The following ESRP1 variants were observed in gnomAD, a reference collection of about 807,000 sequenced individuals.
The protein encoded by ESRP1 is RNA-binding motif protein 35A.
Under a neutral mutation model 81.7 loss-of-function variants are expected in ESRP1, and 33 were observed. That is an observed-to-expected ratio of 0.40 (90% CI 0.31 to 0.54). The LOEUF (loss-of-function observed/expected upper bound fraction) is 0.54, where lower values mean the gene tolerates loss of function less well. ESRP1 is among the 20% of genes least tolerant of loss of function. The pLI, the probability that ESRP1 is intolerant of heterozygous loss-of-function variation, is 0.41. For missense variants in ESRP1, 672 were observed against 833.1 expected (o/e 0.81, Z 2.38); for synonymous variants, 320 against 303.3 (o/e 1.06, Z -0.57).
intron 15 of ESRP1, 139 bp downstream of exon 15, chr8:94,697,100 A>G: frequency 1.6e-6 from 1 of 610,064 alleles, no homozygotes; most frequent in Non-Finnish European, 2.8e-6. Flanking sequence ...GAAGGAATGG[A>G]GACTAGAATT....
intron 15 of ESRP1, among the ~76,000 whole-genome samples, chr8:94,702,590 G>A (rs116540414): frequency 0.011 from 1,681 of 152,184 alleles, 29 homozygotes; most frequent in African/African-American, 0.038. Flanking sequence ...AAACACATAG[G>A]AAGTACTTAT....
chr8:94,674,285 T>C, intron 11 of ESRP1, 23 bp from the exon 12 acceptor site: 2 of 1,601,518 alleles, frequency 1.2e-6, no homozygotes, highest in Non-Finnish European at 1.7e-6. Context: ...CCTTTTGTTT[T>C]TATTCTTCCC....
At chr8:94,675,730 A>G (rs1819556610) in intron 12 of ESRP1, among the ~76,000 whole-genome samples, 1 of 152,210 alleles carries the variant, frequency 6.6e-6, no homozygotes, top group Non-Finnish European at 1.5e-5. Context: ...CTGCTTTTGG[A>G]ATATCCTTTC....
intron 15 of ESRP1, among the ~76,000 whole-genome samples, chr8:94,704,632 T>C (rs1809982896): frequency 2.6e-5 from 4 of 151,874 alleles, no homozygotes. Flanking sequence ...GATATAGTGG[T>C]GTGCCTGTAG....
intron 4 of ESRP1, among the ~76,000 whole-genome samples, chr8:94,654,377 T>C (rs1380125205): frequency 6.6e-6 from 1 of 152,218 alleles, no homozygotes; most frequent in Non-Finnish European, 1.5e-5. Context: ...TTAATCCTTT[T>C]GTTTTAGAAA....
rs34541416 is a variant in ESRP1, at chr8:94,704,175, C to CTTTTT, written c.*36-1738_*36-1734dup. On this transcript the variant is annotated intron_variant, in intron 15 of 15. Transcript: ENST00000433389. ...AATTAATCTTCATGTGCTTCTGAGA[C>CTTTTT]TTTTTTTTTTTTTTTTGCTAGCAGT... Among the ~76,000 whole-genome samples the CTTTTT allele has an allele frequency of 9.1e-4, 118 of 128,986 alleles. 2 individuals are homozygous for CTTTTT. The highest frequency in any genetic ancestry group is 4.7e-3 in the East Asian group (21 of 4,432). 84.6% of individuals were successfully genotyped at this position (128,986 alleles called of 152,430 possible).
Position 94,642,596 on chromosome 8 carries a change from A to G in ESRP1, c.261+512A>G, listed in dbSNP as rs546849140. 7.4e-4 allele frequency among the ~76,000 whole-genome samples: 112 copies of G among 152,270 alleles called. 1 individual carries two copies. The highest frequency in any genetic ancestry group is 2.5e-3 in the African/African-American group (104 of 41,560). On this transcript the variant is annotated intron_variant, in intron 2 of 15. Coordinates refer to ENST00000433389, the MANE Select transcript of ESRP1 (RefSeq NM_017697.4). ...CTCCCAACGAAAGGCTCGGTCCGTC[A>G]TTATTTCTTTAGTGGCCTTGGTCCC...
intron 3 of ESRP1, among the ~76,000 whole-genome samples, chr8:94,644,234 TAAC>T (rs910153362): frequency 1.3e-5 from 2 of 152,186 alleles, no homozygotes; most frequent in Non-Finnish European, 2.9e-5. Context: ...CACTGTCTCT[TAAC>T]AACTTAAATT....
intron 4 of ESRP1, among the ~76,000 whole-genome samples, chr8:94,654,713 G>A (rs1055990783): frequency 4.6e-5 from 7 of 152,090 alleles, no homozygotes; most frequent in African/African-American, 1.7e-4. Context: ...CTGGAGCCCA[G>A]AAGTTCAGGA....
chr8:94,646,547 A>ATG (rs756589566), intron 4 of ESRP1: 17 of 278,804 alleles, frequency 6.1e-5, no homozygotes, highest in Admixed American at 1.0e-4. Flanking sequence ...CAGCTGTGTA[A>ATG]TGTGTGTGTG....
intron 9 of ESRP1, among the ~76,000 whole-genome samples, 160 bp downstream of exon 9, chr8:94,665,356 A>G (rs1323392489): frequency 1.3e-5 from 2 of 152,234 alleles, no homozygotes; most frequent in Non-Finnish European, 2.9e-5. Flanking sequence ...GCTTCCGATA[A>G]TAACAGTGAG....
chr8:94,658,736 C>T (rs1818563806), intron 4 of ESRP1, among the ~76,000 whole-genome samples: 2 of 152,122 alleles, frequency 1.3e-5, no homozygotes, highest in South Asian at 4.2e-4. Flanking sequence ...TTGTATCTGG[C>T]CATCTTTTTG....
chr8:94,672,379 A>G (rs749054433), intron 11 of ESRP1, among the ~76,000 whole-genome samples: 1 of 152,190 alleles, frequency 6.6e-6, no homozygotes, highest in Non-Finnish European at 1.5e-5. Context: ...GAATTCTTCC[A>G]TATGCAAATG....
At chr8:94,673,876 C>T (rs1461473698) in intron 11 of ESRP1, among the ~76,000 whole-genome samples, 1 of 152,146 alleles carries the variant, frequency 6.6e-6, no homozygotes, top group African/African-American at 2.4e-5. Context: ...AAAAAGAATA[C>T]CGGTTCAGTT....
intron 9 of ESRP1, 92 bp downstream of exon 9, chr8:94,665,288 G>A (rs1818963585): frequency 8.0e-7 from 1 of 1,253,350 alleles, no homozygotes; most frequent in Non-Finnish European, 1.1e-6. Flanking sequence ...ATAGGGTCAT[G>A]AATGGTTTTT....
chr8:94,673,493 A>G (rs1297397096), intron 11 of ESRP1, among the ~76,000 whole-genome samples: 2 of 152,194 alleles, frequency 1.3e-5, no homozygotes, highest in Non-Finnish European at 2.9e-5. Context: ...GAAAACCATA[A>G]AATAAGAAAG....
In ESRP1 at chr8:94,652,275, A is replaced by T. The variant is rs565116580; in HGVS notation, c.490+5993A>T. Among the ~76,000 whole-genome samples, 3 of 152,230 alleles carry T rather than the reference A, an allele frequency of 2.0e-5. No individual in the cohort carries two copies. In the East Asian group the frequency reaches 5.8e-4, roughly 29 times the overall value. On this transcript the variant is annotated intron_variant, in intron 4 of 15. Transcript: ENST00000433389. ...AGTGCTGGGATTACAGGCGTGAGCC[A>T]CTGCGCCTGGCCCTCAACACATTTC...
intron 10 of ESRP1, among the ~76,000 whole-genome samples, chr8:94,668,809 T>TGTGTGTGTGTGTGTGTGTGTGTGTGTGTG (rs1343600035): frequency 1.0e-4 from 4 of 39,150 alleles, no homozygotes; most frequent in African/African-American, 2.2e-4. Flanking sequence ...GTGTGTGTGT[T>TGTGTGTGTGTGTGTGTGTGTGTGTGTGTG]TGAGATGGGG....
chr8:94,684,058 G>A (rs975329941), intron 13 of ESRP1, among the ~76,000 whole-genome samples: 2 of 152,162 alleles, frequency 1.3e-5, no homozygotes, highest in African/African-American at 4.8e-5. Context: ...TGTTGGTCAA[G>A]CTGATCTCGA....
Sources: allele counts gnomAD v4.1 joint callset (sites outside exome capture counted in the v4.1 genomes callset), GRCh38; gene constraint gnomAD v4.1.1; transcripts MANE v1.5; gene names NCBI Gene and HGNC (gene_info 2026-07-23, HGNC 2026-07-21).